The following MAGI2 variants were observed in gnomAD, a reference collection of about 807,000 sequenced individuals.
The protein encoded by MAGI2 is membrane associated guanylate kinase, WW and PDZ domain containing 2, also known as membrane-associated guanylate kinase, WW and PDZ domain-containing protein 2.
Under a neutral mutation model 133.3 loss-of-function variants are expected in MAGI2, and 35 were observed. The ratio of observed to expected loss-of-function variants is 0.26; its 90% CI spans 0.20 to 0.35. The LOEUF (loss-of-function observed/expected upper bound fraction) is 0.35, where lower values mean the gene tolerates loss of function less well. Among genes scored for constraint, MAGI2 ranks in the 10% least tolerant of loss-of-function variants. The pLI, the probability that MAGI2 is intolerant of heterozygous loss-of-function variation, is 1.00. For synonymous variants in MAGI2, 729 were observed against 710.6 expected (o/e 1.03, Z -0.41); for missense variants, 1,636 against 1,863.4 (o/e 0.88, Z 2.25).
chr7:79,078,252 C>A (rs73703624), intron 1 of MAGI2, among the ~76,000 whole-genome samples: 5,561 of 152,144 alleles, frequency 0.037, 313 homozygotes, highest in African/African-American at 0.12. Flanking sequence ...AAGTGTTCTC[C>A]ACAGAGTTCT....
At chr7:79,130,966 T>A (rs59227501) in intron 1 of MAGI2, among the ~76,000 whole-genome samples, 2,480 of 152,248 alleles carry the variant, frequency 0.016, 78 homozygotes, top group African/African-American at 0.057. Context: ...CATTCATTCA[T>A]TCATTCCAGA....
At chr7:78,201,023 G>T in intron 11 of MAGI2, 139 bp downstream of exon 11, 1 of 591,846 alleles carries the variant, frequency 1.7e-6, no homozygotes, top group Non-Finnish European at 2.9e-6. Context: ...AAGACAAAAG[G>T]ACACAGAGGA....
intron 2 of MAGI2, among the ~76,000 whole-genome samples, chr7:78,680,500 C>T (rs747090147): frequency 1.3e-4 from 20 of 152,096 alleles, no homozygotes; most frequent in Non-Finnish European, 2.6e-4. Flanking sequence ...CTATATTTTA[C>T]AACATCCTAG....
intron 1 of MAGI2, among the ~76,000 whole-genome samples, chr7:79,166,593 G>A (rs1311918167): frequency 1.3e-5 from 2 of 152,064 alleles, no homozygotes; most frequent in African/African-American, 4.8e-5. Context: ...TTGGGCAGCA[G>A]TAAAATCCAA....
chr7:79,049,681 TA>T (rs1812499409), intron 1 of MAGI2, among the ~76,000 whole-genome samples: 1 of 152,104 alleles, frequency 6.6e-6, no homozygotes, highest in Admixed American at 6.6e-5. Context: ...TTGTTATTTT[TA>T]TGTTTTTTAT....
chr7:78,522,815 G>A lies in MAGI2; in HGVS notation c.539-1170C>T, dbSNP rs73141120. 5.5e-3 allele frequency among the ~76,000 whole-genome samples: 845 copies of A among 152,268 alleles called. 7 individuals are homozygous for A. Among genetic ancestry groups the A allele is most frequent in the Middle Eastern group, 0.014 (4 of 294 alleles). ...CTTTGAACCTATATCAGTGTTTTCAGTTAATTGAGTAATTTATGCACTTAC... is the reference window on the plus strand; with the variant it reads ...CTTTGAACCTATATCAGTGTTTTCAATTAATTGAGTAATTTATGCACTTAC... On this transcript the variant is annotated intron_variant, in intron 3 of 21. Coordinates refer to ENST00000354212, the MANE Select transcript of MAGI2 (RefSeq NM_012301.4).
chr7:79,390,708 T>G (rs947179418), intron 1 of MAGI2, among the ~76,000 whole-genome samples: 5 of 152,198 alleles, frequency 3.3e-5, no homozygotes, highest in African/African-American at 1.2e-4. Context: ...TGCAATCCCC[T>G]CTTCCTATTC....
intron 1 of MAGI2, among the ~76,000 whole-genome samples, chr7:79,299,545 A>G (rs1837214712): frequency 1.1e-5 from 1 of 93,078 alleles, no homozygotes; most frequent in Non-Finnish European, 2.0e-5. Context: ...ACAGAGCAAG[A>G]CTCCATCTCA....
chr7:78,208,767 A>G (rs1453944304), intron 10 of MAGI2, among the ~76,000 whole-genome samples: 4 of 151,370 alleles, frequency 2.6e-5, no homozygotes, highest in Non-Finnish European at 5.9e-5. Context: ...TCTGTTTGGT[A>G]TTTTACACCA....
At chr7:78,696,693 G>T (rs1025613402) in intron 2 of MAGI2, among the ~76,000 whole-genome samples, 4 of 149,886 alleles carry the variant, frequency 2.7e-5, no homozygotes, top group African/African-American at 5.0e-5. Context: ...AAAAAAAAAA[G>T]ATTGTCAGTT....
intron 1 of MAGI2, chr7:79,412,104 A>G (rs1166337961): frequency 2.6e-5 from 4 of 152,022 alleles, no homozygotes; most frequent in Non-Finnish European, 5.9e-5. Flanking sequence ...CAATCTACAC[A>G]CCTGGCAAAC....
At chr7:78,741,403 A>G in intron 2 of MAGI2, among the ~76,000 whole-genome samples, 1 of 145,002 alleles carries the variant, frequency 6.9e-6, no homozygotes, top group African/African-American at 2.8e-5. Context: ...ACACACACAC[A>G]CACACACACA....
chr7:78,676,337 G>C (rs1815020237), intron 2 of MAGI2, among the ~76,000 whole-genome samples: 1 of 152,138 alleles, frequency 6.6e-6, no homozygotes, highest in African/African-American at 2.4e-5. Flanking sequence ...GAACAAGTAA[G>C]AATTGTTTAG....
At chr7:79,061,484 A>T (rs1284399146) in intron 1 of MAGI2, among the ~76,000 whole-genome samples, 3 of 152,074 alleles carry the variant, frequency 2.0e-5, no homozygotes, top group African/African-American at 7.2e-5. Context: ...TAGCGTGCAC[A>T]GGCCAACAAA....
intron 3 of MAGI2, among the ~76,000 whole-genome samples, chr7:78,573,270 AT>A (rs1343780289): frequency 1.2e-4 from 3 of 25,500 alleles, no homozygotes; most frequent in African/African-American, 4.3e-4. Flanking sequence ...ATAAATATAT[AT>A]AAATATATAT....
chr7:79,033,888 C>A (rs965842262), intron 1 of MAGI2, among the ~76,000 whole-genome samples: 14 of 151,982 alleles, frequency 9.2e-5, no homozygotes, highest in African/African-American at 2.9e-4. Context: ...AATTTTATAT[C>A]TTTGAGTTCT....
At chr7:78,072,281 C>G (rs1195650115) in intron 21 of MAGI2, among the ~76,000 whole-genome samples, 1 of 152,204 alleles carries the variant, frequency 6.6e-6, no homozygotes, top group African/African-American at 2.4e-5. Context: ...ATTCTTAACA[C>G]TCTAGAAGTA....
In MAGI2 at chr7:78,995,841, A is replaced by G. The variant is rs1248765258; in HGVS notation, c.418+11249T>C. Among the ~76,000 whole-genome samples, 3 of 152,118 alleles carry G rather than the reference A, an allele frequency of 2.0e-5. No individual in the cohort carries two copies. In the East Asian group the frequency reaches 5.8e-4, roughly 29 times the overall value. ...TCATGTAGTGCGAACTGGAAGCCTG[A>G]TCCACCTGGGATACACTCCCTCTTT... is the stretch of plus-strand genomic sequence containing the variant. On this transcript the variant is annotated intron_variant, in intron 2 of 21. Coordinates refer to ENST00000354212, the MANE Select transcript of MAGI2 (RefSeq NM_012301.4).
At chr7:79,413,083 T>C (rs1318264594) in intron 1 of MAGI2, 1 of 152,170 alleles carries the variant, frequency 6.6e-6, no homozygotes, top group East Asian at 1.9e-4. Context: ...TCAATGCTCA[T>C]GAACAACTCG....
Sources: gnomAD v4.1 joint callset for allele counts (sites outside exome capture counted in the v4.1 genomes callset) on GRCh38, gnomAD v4.1.1 for gene constraint, MANE v1.5 for transcripts, NCBI Gene and HGNC (gene_info 2026-07-23, HGNC 2026-07-21) for gene names.